Variants in EPHB1 observed in about 807,000 individuals in gnomAD.
The protein encoded by EPHB1 is EPH receptor B1.
EPHB1 carries 30 observed loss-of-function variants against 94.4 expected under a neutral mutation model. The observed-to-expected ratio is 0.32, with a 90% confidence interval of 0.24 to 0.43. EPHB1 has a LOEUF of 0.43. Ranked by LOEUF, EPHB1 falls within the 20% of genes least tolerant of loss-of-function variation. The pLI is 1.00. For missense variants in EPHB1, 1,055 were observed against 1,308.3 expected (o/e 0.81, Z 2.99); for synonymous variants, 522 against 489.1 (o/e 1.07, Z -0.89).
chr3:135,076,325 G>C (rs943581491), intron 3 of EPHB1, among the ~76,000 whole-genome samples: 1 of 149,874 alleles, frequency 6.7e-6, no homozygotes, highest in Non-Finnish European at 1.5e-5. Flanking sequence ...AATATGCATG[G>C]GGATTTCAGC....
intron 3 of EPHB1, among the ~76,000 whole-genome samples, chr3:135,024,102 C>T (rs1048627067): frequency 1.3e-5 from 2 of 152,064 alleles, no homozygotes; most frequent in African/African-American, 2.4e-5. Flanking sequence ...TCAGGCCACA[C>T]GTGGTAATGA....
At chr3:135,147,528 C>G (rs957090875) in intron 5 of EPHB1, among the ~76,000 whole-genome samples, 3 of 152,184 alleles carry the variant, frequency 2.0e-5, no homozygotes, top group Admixed American at 6.5e-5. Flanking sequence ...AAGTGGTTAC[C>G]AAGCCTTAGG....
At chr3:135,154,475 A>ATG in intron 6 of EPHB1, 199 bp downstream of exon 6, 1 of 618,328 alleles carries the variant, frequency 1.6e-6, no homozygotes. Flanking sequence ...TTCTGTGCCA[A>ATG]CTAAGGAGAG....
At chr3:135,014,679 G>A (rs1470007333) in intron 3 of EPHB1, among the ~76,000 whole-genome samples, 1 of 152,164 alleles carries the variant, frequency 6.6e-6, no homozygotes, top group Non-Finnish European at 1.5e-5. Flanking sequence ...CCAGCGTCCA[G>A]GTCACCCTTC....
chr3:134,833,397 G>C (rs975866948), intron 1 of EPHB1, among the ~76,000 whole-genome samples: 4 of 152,216 alleles, frequency 2.6e-5, no homozygotes, highest in Non-Finnish European at 5.9e-5. Flanking sequence ...AACAGGCCAG[G>C]CAGCACTTGG....
At chr3:134,798,704 A>G (rs1011953361) in intron 1 of EPHB1, among the ~76,000 whole-genome samples, 1 of 152,114 alleles carries the variant, frequency 6.6e-6, no homozygotes, top group African/African-American at 2.4e-5. Flanking sequence ...GCCTTTTCCC[A>G]CCTGCTCTGA....
intron 1 of EPHB1, among the ~76,000 whole-genome samples, chr3:134,920,512 G>A (rs967660443): frequency 2.0e-5 from 3 of 152,106 alleles, no homozygotes; most frequent in Non-Finnish European, 4.4e-5. Context: ...TACACATAAG[G>A]CACTGCTCAG....
chr3:135,029,414 G>T (rs1479170344), intron 3 of EPHB1, among the ~76,000 whole-genome samples: 1 of 149,052 alleles, frequency 6.7e-6, no homozygotes, highest in African/African-American at 2.4e-5. Flanking sequence ...TTTAGGGCAG[G>T]CCTGGTGGTT....
chr3:134,833,179 G>T (rs555443320), intron 1 of EPHB1, among the ~76,000 whole-genome samples: 4 of 152,160 alleles, frequency 2.6e-5, no homozygotes, highest in Non-Finnish European at 5.9e-5. Flanking sequence ...GGTCCCATGG[G>T]ACTCTCAGCG....
chr3:135,207,525 A>G (rs1169292022), intron 12 of EPHB1, among the ~76,000 whole-genome samples: 1 of 152,238 alleles, frequency 6.6e-6, no homozygotes, highest in East Asian at 1.9e-4. Flanking sequence ...AATCAAACAC[A>G]TGCCCAAATG....
At chr3:135,133,388 A>T (rs1940496835) in intron 5 of EPHB1, among the ~76,000 whole-genome samples, 1 of 152,176 alleles carries the variant, frequency 6.6e-6, no homozygotes, top group African/African-American at 2.4e-5. Context: ...CAGGTGTGTG[A>T]GTGGACAAAC....
intron 12 of EPHB1, among the ~76,000 whole-genome samples, chr3:135,218,702 T>G (rs1187097681): frequency 6.6e-6 from 1 of 152,282 alleles, no homozygotes; most frequent in Non-Finnish European, 1.5e-5. Flanking sequence ...AGCTAATATG[T>G]GCATAACACT....
At chr3:135,243,095 GAAAAGA>G (rs1376473213) in intron 13 of EPHB1, among the ~76,000 whole-genome samples, 1 of 60,694 alleles carries the variant, frequency 1.6e-5, no homozygotes, top group Non-Finnish European at 3.9e-5. Context: ...AAAAAAAAAA[GAAAAGA>G]AAAGAAAAGA....
rs148916540 is a variant in EPHB1, at chr3:134,896,974, C to T, written c.59-28842C>T. On this transcript the variant is annotated intron_variant, in intron 1 of 15. Transcript: ENST00000398015. ...TCCTTGCGTAATATCTGCCTGTCAC[C>T]AGGGGGCTGTATGGAGTGTGGGCCT... is the stretch of plus-strand genomic sequence containing the variant. Among the ~76,000 whole-genome samples the T allele has an allele frequency of 7.1e-3, 1,076 of 152,306 alleles. 8 individuals are homozygous for T. Among genetic ancestry groups the T allele is most frequent in the South Asian group, 0.029 (140 of 4,828 alleles).
At chr3:135,084,568 G>T (rs1317242671) in intron 3 of EPHB1, among the ~76,000 whole-genome samples, 1 of 152,128 alleles carries the variant, frequency 6.6e-6, no homozygotes, top group Non-Finnish European at 1.5e-5. Context: ...ATGGCAGATC[G>T]ATGCATCTAA....
At chr3:135,154,309 C>G (rs554150290) in intron 6 of EPHB1, 33 bp downstream of exon 6, 2 of 1,612,646 alleles carry the variant, frequency 1.2e-6, no homozygotes, top group Non-Finnish European at 1.7e-6. Context: ...CTTGCAAGAC[C>G]CAAGGCCAGC....
In EPHB1 at chr3:135,154,168, C is replaced by T. The variant is rs771235945; in HGVS notation, c.1314C>T (p.Pro438=). The change falls in exon 6 of 16, where the codon CCC becomes CCT. Residue 438 remains proline, a synonymous_variant. Transcript: ENST00000398015. The part of the protein sequence containing the change: ...TTNQAAPSTV[P]IMHQVSATMR... Reference sequence around the variant, plus strand: ...TCTCCACAGCCCCCTCCACCGTTCCCATCATGCACCAAGTCAGTGCCACTA... The same window carrying T: ...TCTCCACAGCCCCCTCCACCGTTCCTATCATGCACCAAGTCAGTGCCACTA... 1.2e-6 allele frequency: 2 copies of T among 1,614,014 alleles called. No individual in the cohort carries two copies. The highest frequency in any genetic ancestry group is 2.2e-5 in the East Asian group (1 of 44,888).
intron 12 of EPHB1, among the ~76,000 whole-genome samples, chr3:135,213,498 C>T (rs985097865): frequency 2.0e-5 from 3 of 152,208 alleles, no homozygotes; most frequent in Admixed American, 1.3e-4. Flanking sequence ...GTCACCTTCT[C>T]ATTATTACTG....
intron 3 of EPHB1, among the ~76,000 whole-genome samples, chr3:135,048,499 G>T (rs1380710480): frequency 2.0e-5 from 3 of 151,936 alleles, no homozygotes; most frequent in Admixed American, 1.3e-4. Context: ...TGAACTTCTG[G>T]CCTCAAGCAG....
Sources: gnomAD v4.1 joint callset for allele counts (sites outside exome capture counted in the v4.1 genomes callset) on GRCh38, gnomAD v4.1.1 for gene constraint, MANE v1.5 for transcripts, NCBI Gene and HGNC (gene_info 2026-07-23, HGNC 2026-07-21) for gene names.